PLA2G6: variants seen among roughly 807,000 people sequenced by gnomAD.
PLA2G6 encodes 85/88 kDa calcium-independent phospholipase A2.
Under a neutral mutation model 83.8 loss-of-function variants are expected in PLA2G6, and 62 were observed. That is an observed-to-expected ratio of 0.74 (90% CI 0.60 to 0.91). PLA2G6 has a LOEUF of 0.91. Ranked by LOEUF, PLA2G6 falls within the 40% of genes least tolerant of loss-of-function variation. The probability of loss-of-function intolerance (pLI) is 0.00; values close to 1 mark genes in which losing one functional copy is unlikely to be tolerated. For missense variants in PLA2G6, 944 were observed against 1,102.0 expected (o/e 0.86, Z 2.03); for synonymous variants, 417 against 449.8 (o/e 0.93, Z 0.92).
chr22:38,131,223 C>T (rs1230987148), intron 7 of PLA2G6: 1 of 152,246 alleles, frequency 6.6e-6, no homozygotes, highest in South Asian at 2.1e-4. Flanking sequence ...TGGGCTTTCG[C>T]CATGTTGGCC....
rs2086894735 is a variant in PLA2G6, at chr22:38,112,065, T to C, written c.*96A>G. ...CCTGGTCTATGGACTCAGAGGTGCCTGGGCCCAGATCTGCCCGGGAGGGCA... is the reference window on the plus strand; with the variant it reads ...CCTGGTCTATGGACTCAGAGGTGCCCGGGCCCAGATCTGCCCGGGAGGGCA... On this transcript the variant is annotated 3_prime_UTR_variant, in exon 17 of 17. Coordinates refer to ENST00000332509, the MANE Select transcript of PLA2G6 (RefSeq NM_003560.4). 6 of 1,426,618 alleles carry C rather than the reference T, an allele frequency of 4.2e-6. No individual in the cohort carries two copies. Among genetic ancestry groups the C allele is most frequent in the African/African-American group, 1.4e-5 (1 of 70,632 alleles). The allele number at this position is 1,426,618 out of a possible 1,614,324, so 88.4% of individuals were successfully genotyped here.
At chr22:38,118,055 GAAAT>G (rs1207039738) in intron 12 of PLA2G6, among the ~76,000 whole-genome samples, 3 of 150,038 alleles carry the variant, frequency 2.0e-5, no homozygotes, top group Non-Finnish European at 4.4e-5. Context: ...AAAAAAGAAA[GAAAT>G]AAGCCAGTCA....
chr22:38,134,650 T>C (rs1268274481), intron 6 of PLA2G6: 3 of 328,566 alleles, frequency 9.1e-6, no homozygotes, highest in Non-Finnish European at 5.8e-6. Flanking sequence ...TCCTGACTAA[T>C]AATACAATCA....
At chr22:38,180,178 CACACAG>C (rs1373416834) in intron 1 of PLA2G6, 2 of 149,954 alleles carry the variant, frequency 1.3e-5, no homozygotes, top group Non-Finnish European at 3.0e-5. Flanking sequence ...CACACACACA[CACACAG>C]AGTATTTAAA....
In PLA2G6 at chr22:38,129,582, G is replaced by C. The variant is rs748042748; in HGVS notation, c.1078-20C>G. 93 of 1,575,578 alleles carry C rather than the reference G, an allele frequency of 5.9e-5. No individual in the cohort carries two copies. The East Asian group carries it at 2.0e-3, about 34-fold the overall frequency. On this transcript the variant is annotated intron_variant, in intron 7 of 16. Coordinates refer to ENST00000332509, the MANE Select transcript of PLA2G6 (RefSeq NM_003560.4). Reference sequence around the variant, plus strand: ...GTCTTTCTGTTGGAGATGGAGAGAGGATAAGACGTGCAACTGCCGGGGAAG... The same window carrying C: ...GTCTTTCTGTTGGAGATGGAGAGAGCATAAGACGTGCAACTGCCGGGGAAG...
chr22:38,151,014 G>A (rs951996498), intron 2 of PLA2G6, among the ~76,000 whole-genome samples: 82 of 152,254 alleles, frequency 5.4e-4, no homozygotes, highest in African/African-American at 1.9e-3. Context: ...TTGAACCTGG[G>A]AGGCGGAGAT....
At position 38,120,747 on chromosome 22, in the gene PLA2G6, G is replaced by A. The variant is rs11570739; in HGVS notation, c.1742+12C>T. 3,622 of 1,613,280 alleles carry A rather than the reference G, an allele frequency of 2.2e-3. 126 individuals carry two copies. In the South Asian group the frequency reaches 0.037, roughly 16 times the overall value. ...ACAGCTGCGGCCACGGCCCCAGTGC[G>A]CCAGGGCTTACTTGGGTTTCCTGAC... is the stretch of plus-strand genomic sequence containing the variant. On this transcript the variant is annotated intron_variant, in intron 12 of 16. Coordinates refer to ENST00000332509, the MANE Select transcript of PLA2G6 (RefSeq NM_003560.4).
At chr22:38,127,804 C>T (rs963243015) in intron 9 of PLA2G6, among the ~76,000 whole-genome samples, 26 of 152,354 alleles carry the variant, frequency 1.7e-4, no homozygotes, top group African/African-American at 6.0e-4. Flanking sequence ...CCACATTCAA[C>T]GTCTGAAAGT....
rs1430217908 is a variant in PLA2G6 at position 38,112,265 on chromosome 22, C to T, written c.2317G>A (p.Val773Ile). ...GCGTTGACCAGCACTGTGTCACTGACCTCATCCAGCATGATGTCCGTCCCC... is the reference window on the plus strand; with the variant it reads ...GCGTTGACCAGCACTGTGTCACTGATCTCATCCAGCATGATGTCCGTCCCC... ...QLGTDIMLDE[V>I]SDTVLVNALW... Residue 773 changes from valine to isoleucine, a missense_variant, in exon 17 of 17, where the codon GTC (valine) becomes ATC (isoleucine). Coordinates refer to ENST00000332509, the MANE Select transcript of PLA2G6 (RefSeq NM_003560.4). 6.2e-7 allele frequency: 1 copy of T among 1,613,672 alleles called. No homozygotes were observed. Among genetic ancestry groups the T allele is most frequent in the East Asian group, 2.2e-5 (1 of 44,868 alleles).
rs1569258440 is a variant in PLA2G6, at chr22:38,128,322, T to C, written c.1295A>G (p.His432Arg). Residue 432 changes from histidine (H) to arginine (R), a missense_variant, in exon 9 of 17, where the codon CAT becomes CGT. Coordinates refer to ENST00000332509, the MANE Select transcript of PLA2G6 (RefSeq NM_003560.4). The surrounding 1 kb of genome is among the most constrained non-coding windows in gnomAD (Gnocchi z 4.4). Reference protein sequence around the residue: ...PAEQGSAAPHHPFSLERAQPP... With the variant: ...PAEQGSAAPHRPFSLERAQPP... Reference sequence around the variant, plus strand: ...CTGAGCTCTTTCCAGGGAGAAGGGATGATGTGGCGCTGCAGAGCCCTGCTC... The same window carrying C: ...CTGAGCTCTTTCCAGGGAGAAGGGACGATGTGGCGCTGCAGAGCCCTGCTC... 2 of 1,613,286 alleles carry C rather than the reference T, an allele frequency of 1.2e-6. No homozygotes were observed. The highest frequency in any genetic ancestry group is 1.8e-4 in the Middle Eastern group (1 of 5,412).
At chr22:38,151,519 G>T (rs1212903919) in intron 2 of PLA2G6, among the ~76,000 whole-genome samples, 2 of 152,192 alleles carry the variant, frequency 1.3e-5, no homozygotes, top group Non-Finnish European at 2.9e-5. Flanking sequence ...GGGATTACAG[G>T]TGTGAGCCAT....
intron 14 of PLA2G6, among the ~76,000 whole-genome samples, chr22:38,114,581 G>A (rs1381613152): frequency 2.6e-5 from 4 of 152,158 alleles, no homozygotes; most frequent in Admixed American, 6.5e-5. Context: ...CTCCCCATCC[G>A]CACGCAATAG....
At position 38,176,657 on chromosome 22, in the gene PLA2G6, C is replaced by T. The variant is rs577062053; in HGVS notation, c.-46+5007G>A. Among the ~76,000 whole-genome samples the T allele has an allele frequency of 7.9e-5, 12 of 152,270 alleles. No homozygotes were observed. In the East Asian group the frequency reaches 1.9e-3, roughly 25 times the overall value. Reference sequence around the variant, plus strand: ...AGCACGGGAGCATGCCACCACACACCGGCCTCCGTCCTCTCACAAGGCCAC... The same window carrying T: ...AGCACGGGAGCATGCCACCACACACTGGCCTCCGTCCTCTCACAAGGCCAC... On this transcript the variant is annotated intron_variant, in intron 1 of 16. Coordinates refer to ENST00000332509, the MANE Select transcript of PLA2G6 (RefSeq NM_003560.4).
chr22:38,128,482 A>T lies in PLA2G6; in HGVS notation c.1187-52T>A. The T allele has an allele frequency of 6.3e-7, 1 of 1,594,160 alleles. No homozygotes were observed. Among genetic ancestry groups the T allele is most frequent in the Non-Finnish European group, 8.6e-7 (1 of 1,163,940 alleles). On this transcript the variant is annotated intron_variant, in intron 8 of 16. Transcript: ENST00000332509. This position sits in a 1 kb window ranked among gnomAD's most constrained non-coding sequence, Gnocchi z 4.4. ...TGGCACAGGATCAGAAATGATGTCAACATGCAAAGGAGAGGCCCCTCCTTT... is the reference window on the plus strand; with the variant it reads ...TGGCACAGGATCAGAAATGATGTCATCATGCAAAGGAGAGGCCCCTCCTTT...
rs890488307 is a variant in PLA2G6 at position 38,123,056 on chromosome 22, T to G, written c.1591+39A>C. 3.2e-6 allele frequency: 5 copies of G among 1,538,504 alleles called. No homozygotes were observed. Among genetic ancestry groups the G allele is most frequent in the Admixed American group, 2.0e-5 (1 of 50,956 alleles). On this transcript the variant is annotated intron_variant, in intron 11 of 16. Coordinates refer to ENST00000332509, the MANE Select transcript of PLA2G6 (RefSeq NM_003560.4). This position sits in a 1 kb window ranked among gnomAD's most constrained non-coding sequence, Gnocchi z 4.1. ...ACTCGGCCCCTTGAGGACACAGGTCTCAGCCCCGCCTGGCCCCATCCCCAG... is the reference window on the plus strand; with the variant it reads ...ACTCGGCCCCTTGAGGACACAGGTCGCAGCCCCGCCTGGCCCCATCCCCAG...
At position 38,149,325 on chromosome 22, in the gene PLA2G6, A is replaced by G. The variant is rs568309282; in HGVS notation, c.210-3672T>C. 3.9e-5 allele frequency: 6 copies of G among 152,376 alleles called. No homozygotes were observed. The East Asian group carries it at 1.2e-3, about 29-fold the overall frequency. The allele number at this position is 152,376 out of a possible 1,614,324, so 9.4% of individuals were successfully genotyped here. A position where few individuals can be genotyped will look rare whatever the true frequency, so the allele number is the denominator to read the frequency against. On this transcript the variant is annotated intron_variant, in intron 2 of 16. Transcript: ENST00000332509. The stretch of plus-strand genomic sequence containing the variant: ...GGACTGTAAATATTTAAGTTATCCA[A>G]AATAGACTTTAAAGTAACTGTGATA...
intron 2 of PLA2G6, chr22:38,149,069 G>A (rs1159975002): frequency 6.5e-6 from 1 of 153,932 alleles, no homozygotes; most frequent in Non-Finnish European, 1.4e-5. Flanking sequence ...GTTTCACCAT[G>A]TTAGCCAGGA....
intron 1 of PLA2G6, among the ~76,000 whole-genome samples, chr22:38,174,222 C>A (rs571242309): frequency 6.6e-6 from 1 of 151,878 alleles, no homozygotes; most frequent in Non-Finnish European, 1.5e-5. Context: ...TGGTGAAACC[C>A]CGTCTCTACT....
Position 38,113,622 on chromosome 22 carries a change from G to T in PLA2G6, c.2067C>A (p.Ile689=). The T allele has an allele frequency of 6.2e-7, 1 of 1,613,948 alleles. No homozygotes were observed. Among genetic ancestry groups the T allele is most frequent in the Admixed American group, 1.7e-5 (1 of 60,030 alleles). The change falls in exon 15 of 17, where the codon ATC becomes ATA. Residue 689 remains isoleucine (I), a synonymous_variant. Coordinates refer to ENST00000332509, the MANE Select transcript of PLA2G6 (RefSeq NM_003560.4). ...GQANKVKKLS[I]VVSLGTGRSP... is the part of the protein sequence containing the mutation. ...ACCTCCCTGTCCCCAGGGAGACAAC[G>T]ATGGAGAGTTTCTTCACCTTGTTGG...
Sources: gnomAD v4.1 joint callset for allele counts (sites outside exome capture counted in the v4.1 genomes callset) on GRCh38, gnomAD v4.1.1 for gene constraint, Gnocchi (gnomAD v3.1) non-coding constraint, MANE v1.5 for transcripts, NCBI Gene and HGNC (gene_info 2026-07-23, HGNC 2026-07-21) for gene names.